PACS2: variants seen among roughly 807,000 people sequenced by gnomAD.
The protein encoded by PACS2 is phosphofurin acidic cluster sorting protein 2.
In PACS2, 36 loss-of-function variants were observed where a neutral mutation model predicts 113.0. That is an observed-to-expected ratio of 0.32 (90% CI 0.24 to 0.42). The LOEUF is 0.42. Among genes scored for constraint, PACS2 ranks in the 10% least tolerant of loss-of-function variants. The pLI, the probability that PACS2 is intolerant of heterozygous loss-of-function variation, is 1.00. For missense variants in PACS2, 1,015 were observed against 1,239.5 expected, an observed-to-expected ratio of 0.82 and a Z score of 2.72; for synonymous variants, 589 against 536.1, an observed-to-expected ratio of 1.10 and a Z score of -1.36.
chr14:105,383,191 G>C (rs782373930), intron 15 of PACS2, 168 bp from the exon 16 acceptor site: 1 of 780,808 alleles, frequency 1.3e-6, no homozygotes, highest in African/African-American at 1.7e-5. Flanking sequence ...CCTCAGCCTG[G>C]GCACGTTTGG....
chr14:105,361,347 G>C, intron 4 of PACS2, among the ~76,000 whole-genome samples: 1 of 151,852 alleles, frequency 6.6e-6, no homozygotes, highest in East Asian at 1.9e-4. Flanking sequence ...TACAAAAAAA[G>C]AAAAAAAGGC....
chr14:105,338,580 C>CA (rs1555401034), intron 1 of PACS2, among the ~76,000 whole-genome samples: 1 of 152,150 alleles, frequency 6.6e-6, no homozygotes, highest in Admixed American at 6.5e-5. Context: ...GCTGGGTTCT[C>CA]AGAGTGACCC....
At chr14:105,344,427 A>G (rs113921860) in intron 1 of PACS2, among the ~76,000 whole-genome samples, 2 of 152,244 alleles carry the variant, frequency 1.3e-5, no homozygotes, top group African/African-American at 4.8e-5. Context: ...AAATTTAACA[A>G]TTAATTCAAT....
In PACS2 at chr14:105,352,387, C is replaced by G. The variant is rs781944931; in HGVS notation, c.217C>G (p.Arg73Gly). 14 of 1,610,832 alleles carry G rather than the reference C, an allele frequency of 8.7e-6. No individual in the cohort carries two copies. The highest frequency in any genetic ancestry group is 1.2e-5 in the Non-Finnish European group (14 of 1,177,212). ...TCTTGCTTAATCACAGGGCTCCAAA[C>G]GAATCCTGCGGTCCCATGAGATTGT... ...VIAVKMQGSK[R>G]ILRSHEIVLP... The change falls in exon 3 of 25, where the codon CGA becomes GGA. Residue 73 changes from arginine to glycine, a missense_variant. Coordinates refer to ENST00000447393, the MANE Select transcript of PACS2 (RefSeq NM_001100913.3).
intron 6 of PACS2, 111 bp downstream of exon 6, chr14:105,368,258 G>A (rs2061013315): frequency 1.0e-5 from 9 of 877,476 alleles, no homozygotes; most frequent in Middle Eastern, 3.2e-4. Context: ...GGTGAGCCAC[G>A]GGCCTGGCCC....
At chr14:105,390,615 G>A (rs587646486) in intron 20 of PACS2, 4 of 166,962 alleles carry the variant, frequency 2.4e-5, no homozygotes, top group South Asian at 3.1e-4. Flanking sequence ...TCTGGGCCTC[G>A]GTTTCCCCAC....
chr14:105,351,148 G>A (rs587618389), intron 2 of PACS2, among the ~76,000 whole-genome samples: 44 of 152,296 alleles, frequency 2.9e-4, no homozygotes, highest in South Asian at 1.2e-3. Context: ...GCCGGCCTCC[G>A]GGAACCTTGT....
intron 12 of PACS2, among the ~76,000 whole-genome samples, chr14:105,381,476 G>A (rs1307193823): frequency 2.0e-5 from 3 of 152,232 alleles, no homozygotes; most frequent in African/African-American, 7.2e-5. Context: ...CCAAAGCAGC[G>A]AGTCTGGGCA....
chr14:105,308,109 G>A (rs987694169), intron 1 of PACS2, among the ~76,000 whole-genome samples: 1 of 152,146 alleles, frequency 6.6e-6, no homozygotes, highest in Non-Finnish European at 1.5e-5. Context: ...CTTGAACCCA[G>A]GTGACTGAGG....
chr14:105,384,259 G>A, intron 16 of PACS2, 94 bp from the exon 17 acceptor site: 1 of 707,680 alleles, frequency 1.4e-6, no homozygotes, highest in East Asian at 2.7e-5. Flanking sequence ...AGCAGCACAG[G>A]CCTGGGGTCG....
intron 1 of PACS2, among the ~76,000 whole-genome samples, chr14:105,331,311 C>T (rs910811347): frequency 1.3e-5 from 2 of 152,190 alleles, no homozygotes; most frequent in Non-Finnish European, 2.9e-5. Flanking sequence ...GATATAGTTG[C>T]ATGTATTCCT....
At position 105,324,525 on chromosome 14, in the gene PACS2, C is replaced by T. The variant is rs1047002531; in HGVS notation, c.119+9488C>T. Among the ~76,000 whole-genome samples, 3 of 152,196 alleles carry T rather than the reference C, an allele frequency of 2.0e-5. No homozygotes were observed. The highest frequency in any genetic ancestry group is 4.4e-5 in the Non-Finnish European group (3 of 68,022). ...GGGCCTGGCTGGCTCAGCAGCTGCT[C>T]TGAGAGGCAGCCCTAAAAATAGCCG... is the stretch of plus-strand genomic sequence containing the variant. On this transcript the variant is annotated intron_variant, in intron 1 of 24. Coordinates refer to ENST00000447393, the MANE Select transcript of PACS2 (RefSeq NM_001100913.3). The surrounding 1 kb of genome is among the most constrained non-coding windows in gnomAD (Gnocchi z 4.7).
At chr14:105,339,211 A>C (rs1419969666) in intron 1 of PACS2, among the ~76,000 whole-genome samples, 1 of 152,206 alleles carries the variant, frequency 6.6e-6, no homozygotes, top group Non-Finnish European at 1.5e-5. Flanking sequence ...CAGGTGCTTC[A>C]AAAAGACTAG....
intron 11 of PACS2, 126 bp from the exon 12 acceptor site, chr14:105,380,831 C>T (rs1555411779): frequency 1.1e-6 from 1 of 890,438 alleles, no homozygotes; most frequent in Non-Finnish European, 1.7e-6. Flanking sequence ...ATGGCCGGGT[C>T]CACATGTAGG....
intron 1 of PACS2, chr14:105,336,617 A>G (rs1183102420): frequency 6.6e-6 from 1 of 152,374 alleles, no homozygotes; most frequent in Non-Finnish European, 1.5e-5. Flanking sequence ...GAGTGAAAGC[A>G]CGCACGCCCC....
chr14:105,378,047 G>T (rs1483340980), intron 9 of PACS2, among the ~76,000 whole-genome samples: 1 of 152,198 alleles, frequency 6.6e-6, no homozygotes, highest in Non-Finnish European at 1.5e-5. Flanking sequence ...CTGGCCCAGG[G>T]TCCCTCCTCC....
chr14:105,377,039 C>A, intron 9 of PACS2, 114 bp downstream of exon 9: 2 of 1,154,098 alleles, frequency 1.7e-6, no homozygotes, highest in Non-Finnish European at 2.4e-6. Flanking sequence ...GCAGGGCCAG[C>A]TGCCTCGAAG....
chr14:105,315,900 G>A lies in PACS2; in HGVS notation c.119+863G>A, dbSNP rs587692412. Reference sequence around the variant, plus strand: ...AGCAGGCGAGAAGAGGAGGCGGTTGGGGGTAGTGAGAGTTCTCCCTGGGGA... The same window carrying A: ...AGCAGGCGAGAAGAGGAGGCGGTTGAGGGTAGTGAGAGTTCTCCCTGGGGA... On this transcript the variant is annotated intron_variant, in intron 1 of 24. Coordinates refer to ENST00000447393, the MANE Select transcript of PACS2 (RefSeq NM_001100913.3). The surrounding 1 kb of genome is among the most constrained non-coding windows in gnomAD (Gnocchi z 4.4). Among the ~76,000 whole-genome samples, 5 of 152,386 alleles carry A rather than the reference G, an allele frequency of 3.3e-5. No homozygotes were observed. The East Asian group carries it at 9.6e-4, about 29-fold the overall frequency.
In PACS2 at chr14:105,365,174, T is replaced by C. The variant is rs1207991370; in HGVS notation, c.424-2039T>C. On this transcript the variant is annotated intron_variant, in intron 4 of 24. Coordinates refer to ENST00000447393, the MANE Select transcript of PACS2 (RefSeq NM_001100913.3). The surrounding 1 kb of genome is among the most constrained non-coding windows in gnomAD (Gnocchi z 5.1). ...CTGCTGGACTAACCCGGGAGGGTGG[T>C]CTCAGGGTCAGCAGGGGCAGGAGTG... Among the ~76,000 whole-genome samples, 1 of 152,060 alleles carries C rather than the reference T, an allele frequency of 6.6e-6. No homozygotes were observed. The highest frequency in any genetic ancestry group is 1.5e-5 in the Non-Finnish European group (1 of 67,990).
Sources: allele counts gnomAD v4.1 joint callset (sites outside exome capture counted in the v4.1 genomes callset), GRCh38; gene constraint gnomAD v4.1.1; non-coding constraint Gnocchi (gnomAD v3.1); transcripts MANE v1.5; gene names NCBI Gene and HGNC (gene_info 2026-07-23, HGNC 2026-07-21).